Variants in KCNMA1 observed in about 807,000 individuals in gnomAD.
KCNMA1 encodes potassium calcium-activated channel subfamily M alpha 1.
KCNMA1 carries 29 observed loss-of-function variants against 140.0 expected under a neutral mutation model. That is an observed-to-expected ratio of 0.21 (90% CI 0.15 to 0.28). The LOEUF (loss-of-function observed/expected upper bound fraction) is 0.28, where lower values mean the gene tolerates loss of function less well. Ranked by LOEUF, KCNMA1 falls within the 10% of genes least tolerant of loss-of-function variation. KCNMA1 has a pLI of 1.00. For missense variants in KCNMA1, 880 were observed against 1,602.2 expected (o/e 0.55, Z 7.70); for synonymous variants, 612 against 611.9 (o/e 1.00, Z 0.00).
At position 77,183,441 on chromosome 10, in the gene KCNMA1, T is replaced by C; in HGVS notation, c.788A>G (p.Tyr263Cys). 1.2e-6 allele frequency: 2 copies of C among 1,613,588 alleles called. No individual in the cohort carries two copies. The highest frequency in any genetic ancestry group is 8.5e-7 in the Non-Finnish European group (1 of 1,179,642). ...FTVPPVFVSV[Y>C]LNRSWLGLRF... Reference sequence around the variant, plus strand: ...CTTACCAAGCCAACTTCTGTTTAAGTACACAGACACAAACACGGGGGGCAC... The same window carrying C: ...CTTACCAAGCCAACTTCTGTTTAAGCACACAGACACAAACACGGGGGGCAC... Residue 263 changes from tyrosine (Y) to cysteine (C), a missense_variant, in exon 5 of 28, where the codon TAC (tyrosine) becomes TGC (cysteine). Tyr to Cys is a radical substitution (Grantham distance 194). Coordinates refer to ENST00000286628, the MANE Select transcript of KCNMA1 (RefSeq NM_001161352.2).
intron 1 of KCNMA1, among the ~76,000 whole-genome samples, chr10:77,446,789 T>C (rs935417561): frequency 1.3e-5 from 2 of 152,240 alleles, no homozygotes; most frequent in Non-Finnish European, 2.9e-5. Flanking sequence ...TGGCCATTTC[T>C]CAAGGTGACA....
chr10:76,967,364 T>A (rs1253760390), intron 20 of KCNMA1, among the ~76,000 whole-genome samples: 1 of 152,062 alleles, frequency 6.6e-6, no homozygotes, highest in Non-Finnish European at 1.5e-5. Context: ...AAAGCAGGTG[T>A]CGGAAGAGGC....
chr10:77,489,049 G>A (rs2098500129), intron 1 of KCNMA1, among the ~76,000 whole-genome samples: 2 of 152,092 alleles, frequency 1.3e-5, no homozygotes, highest in South Asian at 2.1e-4. Context: ...AGGCAGAGGG[G>A]GTCATAAGGG....
chr10:76,882,802 C>T (rs560363466), downstream of KCNMA1, among the ~76,000 whole-genome samples: 97 of 152,314 alleles, frequency 6.4e-4, no homozygotes, highest in African/African-American at 2.1e-3. Flanking sequence ...TGCAATCTTG[C>T]ATGGGAGACA....
intron 1 of KCNMA1, among the ~76,000 whole-genome samples, chr10:77,560,307 T>C (rs2154558723): frequency 6.6e-6 from 1 of 152,354 alleles, no homozygotes; most frequent in Non-Finnish European, 1.5e-5. Context: ...AACAGAGTAC[T>C]GCATATTAAA....
chr10:77,100,314 C>A (rs2097065353), intron 9 of KCNMA1, among the ~76,000 whole-genome samples: 1 of 152,208 alleles, frequency 6.6e-6, no homozygotes, highest in Admixed American at 6.5e-5. Context: ...TAAGCTCCCA[C>A]TGAGATGGGC....
intron 3 of KCNMA1, among the ~76,000 whole-genome samples, chr10:77,238,270 T>C (rs1422476949): frequency 6.6e-6 from 1 of 152,128 alleles, no homozygotes; most frequent in Non-Finnish European, 1.5e-5. Flanking sequence ...GTGGCAGCTT[T>C]TGCATCTGTT....
intron 19 of KCNMA1, among the ~76,000 whole-genome samples, chr10:76,997,087 A>G (rs990064947): frequency 6.6e-6 from 1 of 152,148 alleles, no homozygotes; most frequent in East Asian, 1.9e-4. Flanking sequence ...AGTTCTATTG[A>G]CAATGTTAAT....
intron 1 of KCNMA1, among the ~76,000 whole-genome samples, chr10:77,523,594 G>C (rs2054384719): frequency 6.6e-6 from 1 of 152,254 alleles, no homozygotes; most frequent in South Asian, 2.1e-4. Flanking sequence ...CTCCAGGTAA[G>C]TGCTTATTTC....
At chr10:77,142,932 A>T (rs2098212864) in intron 5 of KCNMA1, among the ~76,000 whole-genome samples, 1 of 152,250 alleles carries the variant, frequency 6.6e-6, no homozygotes, top group Non-Finnish European at 1.5e-5. Flanking sequence ...CTTCAATGAA[A>T]AACATTCCCA....
intron 2 of KCNMA1, among the ~76,000 whole-genome samples, chr10:77,315,234 A>C (rs2080506168): frequency 6.6e-6 from 1 of 152,178 alleles, no homozygotes; most frequent in South Asian, 2.1e-4. Flanking sequence ...TGTGTAAAGG[A>C]AGACAATGGC....
At chr10:77,135,688 A>G (rs2097999958) in intron 5 of KCNMA1, among the ~76,000 whole-genome samples, 1 of 152,232 alleles carries the variant, frequency 6.6e-6, no homozygotes, top group Non-Finnish European at 1.5e-5. Context: ...TTCATTTGCA[A>G]CAATGTGGAT....
intron 19 of KCNMA1, among the ~76,000 whole-genome samples, chr10:77,001,012 T>C (rs2153408865): frequency 6.6e-6 from 1 of 151,550 alleles, no homozygotes; most frequent in South Asian, 2.1e-4. Context: ...ACCCTTTCCT[T>C]CCTCCCTTTG....
chr10:77,425,909 G>A (rs1353422344), intron 1 of KCNMA1, among the ~76,000 whole-genome samples: 1 of 152,152 alleles, frequency 6.6e-6, no homozygotes, highest in African/African-American at 2.4e-5. Flanking sequence ...CTTGGTTTCT[G>A]AGGCTGAGAG....
intron 1 of KCNMA1, among the ~76,000 whole-genome samples, chr10:77,514,522 G>A (rs981228953): frequency 6.6e-6 from 1 of 152,162 alleles, no homozygotes; most frequent in Admixed American, 6.5e-5. Flanking sequence ...GATTCCCAAC[G>A]CAGTGACAAC....
intron 1 of KCNMA1, among the ~76,000 whole-genome samples, chr10:77,593,014 T>G (rs1287592818): frequency 6.6e-6 from 1 of 152,196 alleles, no homozygotes; most frequent in Non-Finnish European, 1.5e-5. Context: ...TAGTTCCTAC[T>G]TTCTCCTCTC....
chr10:77,504,986 G>T (rs960846805), intron 1 of KCNMA1, among the ~76,000 whole-genome samples: 2 of 152,134 alleles, frequency 1.3e-5, no homozygotes, highest in East Asian at 1.9e-4. Flanking sequence ...AAATCCAGGA[G>T]ACTCGGGTCT....
intron 1 of KCNMA1, among the ~76,000 whole-genome samples, chr10:77,584,465 CT>C (rs1417085944): frequency 6.6e-6 from 1 of 152,192 alleles, no homozygotes; most frequent in Non-Finnish European, 1.5e-5. Context: ...AGCAATTCTC[CT>C]GCCTCAGCCT....
At chr10:77,294,905 C>A (rs922586534) in intron 2 of KCNMA1, among the ~76,000 whole-genome samples, 1 of 150,612 alleles carries the variant, frequency 6.6e-6, no homozygotes, top group African/African-American at 2.4e-5. Context: ...GACAACAGAG[C>A]AAGACTCTGT....
Sources: gnomAD v4.1 joint callset for allele counts (sites outside exome capture counted in the v4.1 genomes callset) on GRCh38, gnomAD v4.1.1 for gene constraint, MANE v1.5 for transcripts, NCBI Gene and HGNC (gene_info 2026-07-23, HGNC 2026-07-21) for gene names.